The following DNASE1 variants were observed in gnomAD, a reference collection of about 807,000 sequenced individuals.
DNASE1 encodes the protein deoxyribonuclease 1.
In DNASE1, 40 loss-of-function variants were observed where a neutral mutation model predicts 33.9. The observed-to-expected ratio is 1.18, with a 90% CI of 0.92 to 1.54. DNASE1 has a LOEUF of 1.54. Ranked by LOEUF, DNASE1 falls within the 40% of genes most tolerant of loss-of-function variation. The pLI, the probability that DNASE1 is intolerant of heterozygous loss-of-function variation, is 0.00. For missense variants in DNASE1, 518 were observed against 372.6 expected, an observed-to-expected ratio of 1.39 and a Z score of -3.21; for synonymous variants, 216 against 160.0, an observed-to-expected ratio of 1.35 and a Z score of -2.64.
At chr16:3,612,479 G>T (rs1450721573) in intron 1 of DNASE1, among the ~76,000 whole-genome samples, 1 of 150,708 alleles carries the variant, frequency 6.6e-6, no homozygotes, top group African/African-American at 2.4e-5. Context: ...TCCAACTCCT[G>T]ACCTCAGGTG....
Position 3,657,891 on chromosome 16 carries a change from C to T in DNASE1, c.802-15C>T, listed in dbSNP as rs8176923. On this transcript the variant is annotated splice_polypyrimidine_tract_variant and intron_variant, in intron 8 of 8. Transcript: ENST00000246949. ...AGGTAGGCTCAGCCCAGACCCTGTG[C>T]CCACTTGCCTGCAGGCCCAAGCCAT... The T allele has an allele frequency of 9.3e-6, 15 of 1,614,000 alleles. No homozygotes were observed. The East Asian group carries it at 2.0e-4, about 22-fold the overall frequency.
intron 1 of DNASE1, among the ~76,000 whole-genome samples, chr16:3,622,732 A>C (rs970317351): frequency 6.6e-6 from 1 of 152,136 alleles, no homozygotes; most frequent in African/African-American, 2.4e-5. Context: ...GACTACACCT[A>C]TGTGCTACTG....
chr16:3,619,472 CT>C (rs1375244675), intron 1 of DNASE1, among the ~76,000 whole-genome samples: 1 of 152,106 alleles, frequency 6.6e-6, no homozygotes, highest in Non-Finnish European at 1.5e-5. Flanking sequence ...TGCCATTCTC[CT>C]GCCTCAGCCT....
At chr16:3,661,803 A>C, downstream of DNASE1, 1 of 647,666 alleles carries the variant, frequency 1.5e-6, no homozygotes, top group Non-Finnish European at 2.3e-6. Context: ...TGGGGATGGT[A>C]AGGGGCTGGC....
chr16:3,664,624 G>T (rs987124844), exon 10 of DNASE1: 13 of 711,552 alleles, frequency 1.8e-5, no homozygotes, highest in Non-Finnish European at 2.7e-5. Flanking sequence ...AGCAGGCCTT[G>T]CTCTGCCCAT....
At chr16:3,630,509 C>G (rs1339793554) in intron 1 of DNASE1, among the ~76,000 whole-genome samples, 1 of 152,096 alleles carries the variant, frequency 6.6e-6, no homozygotes, top group Non-Finnish European at 1.5e-5. Context: ...GTCAGTTTTG[C>G]TTTATATATT....
intron 5 of DNASE1, 60 bp downstream of exon 5, chr16:3,656,813 C>T (rs1187027245): frequency 1.9e-6 from 3 of 1,549,922 alleles, no homozygotes; most frequent in East Asian, 4.9e-5. Flanking sequence ...CCACCCCCTC[C>T]TAGGGAACCT....
chr16:3,631,183 C>T (rs920103040), intron 1 of DNASE1, among the ~76,000 whole-genome samples: 1 of 151,982 alleles, frequency 6.6e-6, no homozygotes, highest in Non-Finnish European at 1.5e-5. Flanking sequence ...CCATCACACC[C>T]AGCTAATTTT....
chr16:3,641,585 A>G (rs2042023776), upstream of DNASE1, among the ~76,000 whole-genome samples: 2 of 152,156 alleles, frequency 1.3e-5, no homozygotes, highest in African/African-American at 4.8e-5. Flanking sequence ...TTCCCTGTGA[A>G]ATGGCTTCTC....
chr16:3,658,720 G>A, downstream of DNASE1: 1 of 1,416,238 alleles, frequency 7.1e-7, no homozygotes, highest in South Asian at 1.2e-5. Context: ...GGAAACCGCT[G>A]TTCCACCCTG....
At chr16:3,641,157 C>T (rs1285318670), upstream of DNASE1, 1 of 391,504 alleles carries the variant, frequency 2.6e-6, no homozygotes, top group Non-Finnish European at 4.5e-6. Context: ...CAGCTCCACG[C>T]TGTGGGGGGC....
chr16:3,663,776 A>G lies in DNASE1; in HGVS notation c.*5823A>G, dbSNP rs2050751186. On this transcript the variant is annotated 3_prime_UTR_variant, in exon 10 of 10. Transcript: ENST00000407479. ...TTCAAGGCAGAAGCACTCCACGCAT[A>G]AAGAAATCCACATGTGGCTGAGTGC... is the stretch of plus-strand genomic sequence containing the variant. 1.2e-5 allele frequency: 7 copies of G among 590,636 alleles called. No homozygotes were observed. In the Admixed American group the frequency reaches 1.8e-4, roughly 15 times the overall value. The allele number at this position is 590,636 out of a possible 1,614,324, so 36.6% of individuals were successfully genotyped here. A position where few individuals can be genotyped will look rare whatever the true frequency, so the allele number is the denominator to read the frequency against.
At chr16:3,617,165 A>G (rs914741979) in intron 1 of DNASE1, among the ~76,000 whole-genome samples, 5 of 151,864 alleles carry the variant, frequency 3.3e-5, no homozygotes, top group African/African-American at 1.2e-4. Flanking sequence ...CGTCTGTACT[A>G]AAAATACAAA....
At chr16:3,655,340 T>G (rs2042529692) in intron 1 of DNASE1, 33 bp from the exon 2 acceptor site, 1 of 1,613,336 alleles carries the variant, frequency 6.2e-7, no homozygotes, top group Admixed American at 1.7e-5. Context: ...ACGTCTCACT[T>G]CTGTTATGTC....
At chr16:3,620,255 T>C (rs1323591963) in intron 1 of DNASE1, among the ~76,000 whole-genome samples, 4 of 152,198 alleles carry the variant, frequency 2.6e-5, no homozygotes, top group African/African-American at 4.8e-5. Flanking sequence ...CATGTCATAT[T>C]TACCACATTA....
rs2041756347 is a variant in DNASE1, at chr16:3,633,266, AT to A, written c.-1358-7443del. ...TTAATTGAACATTTTATATGATTAC[AT>A]TTTTTCCTCTCTTAGCATGCCAATT... is the stretch of plus-strand genomic sequence containing the variant. On this transcript the variant is annotated intron_variant and NMD_transcript_variant, in intron 1 of 11. Coordinates refer to the DNASE1 transcript ENST00000570769. 2.0e-5 allele frequency among the ~76,000 whole-genome samples: 3 copies of A among 151,846 alleles called. No homozygotes were observed. In the East Asian group the frequency reaches 5.8e-4, roughly 29 times the overall value.
At chr16:3,629,925 T>C (rs2041641527) in intron 1 of DNASE1, among the ~76,000 whole-genome samples, 1 of 152,242 alleles carries the variant, frequency 6.6e-6, no homozygotes, top group East Asian at 1.9e-4. Flanking sequence ...GCGATTCTCC[T>C]GCTTCAGCCT....
At chr16:3,634,568 G>C (rs1190989729) in intron 1 of DNASE1, among the ~76,000 whole-genome samples, 4 of 152,000 alleles carry the variant, frequency 2.6e-5, no homozygotes, top group Non-Finnish European at 5.9e-5. Context: ...GGAATATAGT[G>C]GTGCGATCAT....
intron 1 of DNASE1, among the ~76,000 whole-genome samples, chr16:3,645,650 C>CGAGTGCT (rs879736627): frequency 2.0e-5 from 3 of 152,164 alleles, no homozygotes; most frequent in African/African-American, 4.8e-5. Context: ...AGGCAGAAGG[C>CGAGTGCT]GAGTGCTGAC....
Sources: allele counts gnomAD v4.1 joint callset (sites outside exome capture counted in the v4.1 genomes callset), GRCh38; gene constraint gnomAD v4.1.1; transcripts MANE v1.5; gene names NCBI Gene and HGNC (gene_info 2026-07-23, HGNC 2026-07-21).